The following CHM variants were observed in gnomAD, a reference collection of about 807,000 sequenced individuals.
CHM encodes CHM Rab escort protein, also known as rab proteins geranylgeranyltransferase component A 1.
In CHM, 10 loss-of-function variants were observed where a neutral mutation model predicts 49.0. The ratio of observed to expected loss-of-function variants is 0.20; its 90% CI spans 0.13 to 0.35. The LOEUF (loss-of-function observed/expected upper bound fraction) is 0.35, where lower values mean the gene tolerates loss of function less well. Among genes scored for constraint, CHM ranks in the 10% least tolerant of loss-of-function variants. CHM has a pLI of 1.00. For synonymous variants in CHM, 184 were observed against 167.5 expected (o/e 1.10, Z -0.76); for missense variants, 455 against 478.4 (o/e 0.95, Z 0.46).
chrX:86,043,386 C>T (rs1934545327), intron 1 of CHM, among the ~76,000 whole-genome samples: 1 of 109,626 alleles, frequency 9.1e-6, no homozygotes, highest in African/African-American at 3.3e-5. Flanking sequence ...CCTTCTCTTT[C>T]CCCATAATCT....
At chrX:85,980,647 C>T (rs138679090) in intron 3 of CHM, among the ~76,000 whole-genome samples, 100 of 111,859 alleles carry the variant, frequency 8.9e-4, no homozygotes, top group African/African-American at 3.1e-3. Context: ...AATTCTTTTG[C>T]GATACAGCAG....
intron 8 of CHM, among the ~76,000 whole-genome samples, chrX:85,948,754 G>T (rs1309429382): frequency 1.3e-4 from 14 of 111,843 alleles, no homozygotes; most frequent in African/African-American, 4.5e-4. Context: ...TCACAGAACA[G>T]GTGATACCTT....
At chrX:85,947,674 G>C (rs931277388) in intron 8 of CHM, among the ~76,000 whole-genome samples, 1 of 111,213 alleles carries the variant, frequency 9.0e-6, no homozygotes, top group Admixed American at 9.6e-5. Context: ...ATAGAACAAA[G>C]AGCCTGCACA....
intron 1 of CHM, among the ~76,000 whole-genome samples, chrX:86,040,947 G>T (rs1485821919): frequency 8.9e-6 from 1 of 112,099 alleles, no homozygotes; most frequent in African/African-American, 3.2e-5. Context: ...TTTATATACA[G>T]AACAGGCACA....
intron 2 of CHM, among the ~76,000 whole-genome samples, chrX:85,982,946 T>C (rs1477607144): frequency 9.0e-6 from 1 of 110,857 alleles, no homozygotes; most frequent in Non-Finnish European, 1.9e-5. Context: ...AATACCAGCC[T>C]GTGCAAAATA....
chrX:85,915,119 G>T (rs140315110), intron 8 of CHM, among the ~76,000 whole-genome samples: 2 of 111,632 alleles, frequency 1.8e-5, no homozygotes, highest in Non-Finnish European at 1.9e-5. Flanking sequence ...AAGAACCACC[G>T]TAAGAATTCT....
chrX:85,911,216 A>AAT lies in CHM; in HGVS notation c.1244+43_1244+44dup, dbSNP rs374586671. On this transcript the variant is annotated intron_variant, in intron 9 of 14. Transcript: ENST00000357749. ...ATATATATATGAATATATATATATGAATATATATATATATATATATGAAGG... is the reference window on the plus strand; with the variant it reads ...ATATATATATGAATATATATATATGAATATATATATATATATATATATGAAGG... The AAT allele has an allele frequency of 0.04, 3,158 of 78,988 alleles. 39 individuals carry two copies. Among genetic ancestry groups the AAT allele is most frequent in the Non-Finnish European group, 0.043 (1,929 of 45,014 alleles). 6.5% of individuals were successfully genotyped at this position (78,988 alleles called of 1,213,427 possible).
chrX:85,920,978 T>C (rs1339452308), intron 8 of CHM, among the ~76,000 whole-genome samples: 1 of 112,257 alleles, frequency 8.9e-6, no homozygotes, highest in Non-Finnish European at 1.9e-5. Context: ...GTTTATTCTG[T>C]CTGTACATGT....
chrX:86,038,676 G>C (rs970892115), intron 1 of CHM, among the ~76,000 whole-genome samples: 2 of 111,812 alleles, frequency 1.8e-5, no homozygotes, highest in Non-Finnish European at 3.8e-5. Context: ...TCCCATTTCT[G>C]GCCATTGCTT....
At chrX:85,992,740 G>A (rs1172784543) in intron 2 of CHM, among the ~76,000 whole-genome samples, 1 of 112,036 alleles carries the variant, frequency 8.9e-6, no homozygotes, top group African/African-American at 3.2e-5. Context: ...AGCAAAAAGT[G>A]TATATATATT....
At chrX:86,033,214 C>T (rs959107168) in intron 1 of CHM, among the ~76,000 whole-genome samples, 1 of 111,339 alleles carries the variant, frequency 9.0e-6, no homozygotes. Context: ...TATGCTTACA[C>T]GAGATAAACA....
intron 12 of CHM, among the ~76,000 whole-genome samples, chrX:85,892,475 T>C (rs1049952455): frequency 9.0e-6 from 1 of 111,079 alleles, no homozygotes; most frequent in African/African-American, 3.3e-5. Flanking sequence ...TATCAGGGGT[T>C]TCCGCTTTTG....
chrX:86,003,860 T>C (rs765493923), intron 2 of CHM, among the ~76,000 whole-genome samples: 1 of 111,841 alleles, frequency 8.9e-6, no homozygotes, highest in Non-Finnish European at 1.9e-5. Flanking sequence ...CCAGGAGAAC[T>C]TCCCCAACCT....
intron 2 of CHM, among the ~76,000 whole-genome samples, chrX:86,003,638 G>C (rs1932792621): frequency 9.0e-6 from 1 of 111,702 alleles, no homozygotes; most frequent in Admixed American, 9.5e-5. Flanking sequence ...TAACCGATTT[G>C]ATCAAATGGA....
intron 8 of CHM, among the ~76,000 whole-genome samples, chrX:85,940,239 C>A (rs1280539085): frequency 8.9e-6 from 1 of 111,801 alleles, no homozygotes; most frequent in Non-Finnish European, 1.9e-5. Flanking sequence ...CTCATCCAAT[C>A]ACCTCCTACC....
intron 8 of CHM, among the ~76,000 whole-genome samples, chrX:85,935,071 G>A (rs1928700966): frequency 9.0e-6 from 1 of 111,644 alleles, no homozygotes; most frequent in Non-Finnish European, 1.9e-5. Context: ...AGTTCCACAG[G>A]CTGTTCAAGA....
chrX:85,902,121 T>G (rs370205735), intron 9 of CHM, among the ~76,000 whole-genome samples: 1 of 111,930 alleles, frequency 8.9e-6, no homozygotes, highest in Non-Finnish European at 1.9e-5. Context: ...GAAATATCAA[T>G]TTATTTGTGT....
At chrX:85,900,844 G>C (rs1926226598) in intron 10 of CHM, 135 bp from the exon 11 acceptor site, 1 of 561,463 alleles carries the variant, frequency 1.8e-6, no homozygotes, top group Non-Finnish European at 3.0e-6. Context: ...ACCAAGTCAA[G>C]TTCGGCTTTA....
intron 4 of CHM, chrX:85,970,221 T>C: frequency 1.5e-6 from 1 of 687,888 alleles, no homozygotes; most frequent in African/African-American, 2.3e-5. Context: ...TTATTATGTA[T>C]CAATTTAAAA....
Sources: gnomAD v4.1 joint callset for allele counts (sites outside exome capture counted in the v4.1 genomes callset) on GRCh38, gnomAD v4.1.1 for gene constraint, MANE v1.5 for transcripts, NCBI Gene and HGNC (gene_info 2026-07-23, HGNC 2026-07-21) for gene names.